EYS: variants seen among roughly 807,000 people sequenced by gnomAD.
The protein encoded by EYS is EGF-like photoreceptor maintenance factor, also known as protein eyes shut homolog.
Under a neutral mutation model 282.1 loss-of-function variants are expected in EYS, and 250 were observed. The observed-to-expected ratio is 0.89, with a 90% CI of 0.80 to 0.98. The LOEUF is 0.98. Ranked by LOEUF, EYS falls within the 50% of genes least tolerant of loss-of-function variation. EYS has a pLI of 0.00. For missense variants in EYS, 4,016 were observed against 3,709.0 expected (o/e 1.08, Z -2.15); for synonymous variants, 1,355 against 1,282.9 (o/e 1.06, Z -1.20).
chr6:65,575,840 G>T (rs918971381), intron 2 of EYS, among the ~76,000 whole-genome samples: 6 of 151,966 alleles, frequency 3.9e-5, no homozygotes, highest in Non-Finnish European at 5.9e-5. Flanking sequence ...GGATAACCTA[G>T]ATAAAATGGA....
At chr6:64,288,175 CT>C (rs1768564761) in intron 30 of EYS, among the ~76,000 whole-genome samples, 1 of 152,112 alleles carries the variant, frequency 6.6e-6, no homozygotes, top group Non-Finnish European at 1.5e-5. Context: ...GACCACTGCT[CT>C]TTTCACTCTG....
At chr6:65,061,306 T>C (rs1773567582) in intron 12 of EYS, among the ~76,000 whole-genome samples, 2 of 151,990 alleles carry the variant, frequency 1.3e-5, no homozygotes, top group African/African-American at 4.8e-5. Flanking sequence ...TAAAATAGCA[T>C]TCATGTATCC....
At chr6:64,394,203 T>A (rs1773272469) in intron 28 of EYS, among the ~76,000 whole-genome samples, 1 of 152,226 alleles carries the variant, frequency 6.6e-6, no homozygotes, top group Non-Finnish European at 1.5e-5. Flanking sequence ...ATGGCCATAC[T>A]GCCCAAGGTA....
intron 11 of EYS, among the ~76,000 whole-genome samples, chr6:65,305,791 T>C (rs1477626893): frequency 6.6e-6 from 1 of 152,146 alleles, no homozygotes; most frequent in Non-Finnish European, 1.5e-5. Context: ...GGACAAAATA[T>C]GGTTAATTTT....
chr6:65,041,091 A>G (rs1170588689), intron 13 of EYS, among the ~76,000 whole-genome samples: 1 of 151,762 alleles, frequency 6.6e-6, no homozygotes, highest in Non-Finnish European at 1.5e-5. Context: ...TCAGAGACTT[A>G]CAAATTTAAG....
At chr6:64,774,679 C>CT (rs1773626580) in intron 22 of EYS, among the ~76,000 whole-genome samples, 1 of 151,880 alleles carries the variant, frequency 6.6e-6, no homozygotes, top group African/African-American at 2.4e-5. Flanking sequence ...GTGCCTGCTG[C>CT]TTAAGTCTCA....
chr6:63,958,780 C>A (rs532859839), intron 35 of EYS, among the ~76,000 whole-genome samples: 6 of 152,278 alleles, frequency 3.9e-5, no homozygotes, highest in African/African-American at 1.4e-4. Context: ...TCTGCCTGTG[C>A]TCTACAAATG....
intron 5 of EYS, among the ~76,000 whole-genome samples, chr6:65,429,766 A>G (rs1767807623): frequency 6.6e-6 from 1 of 152,176 alleles, no homozygotes; most frequent in Non-Finnish European, 1.5e-5. Flanking sequence ...TTCCAAAAAC[A>G]GATACACAAA....
intron 12 of EYS, among the ~76,000 whole-genome samples, chr6:65,094,356 A>G (rs1774673094): frequency 6.6e-6 from 1 of 150,876 alleles, no homozygotes; most frequent in Non-Finnish European, 1.5e-5. Context: ...GGACTAAAAC[A>G]ATACTATAGA....
At chr6:64,102,526 T>G (rs1402839484) in intron 31 of EYS, among the ~76,000 whole-genome samples, 5 of 152,174 alleles carry the variant, frequency 3.3e-5, no homozygotes, top group Admixed American at 2.0e-4. Context: ...TATCAAATAC[T>G]CTAGTCCATT....
intron 29 of EYS, among the ~76,000 whole-genome samples, chr6:64,359,233 A>G (rs1469652110): frequency 6.6e-6 from 1 of 151,780 alleles, no homozygotes; most frequent in Non-Finnish European, 1.5e-5. Flanking sequence ...AAGATTTAAA[A>G]TGTTCCAATT....
chr6:63,935,012 C>T (rs1581996042), intron 35 of EYS, among the ~76,000 whole-genome samples: 1 of 152,290 alleles, frequency 6.6e-6, no homozygotes, highest in South Asian at 2.1e-4. Flanking sequence ...AAAATATGTA[C>T]ATTTCCCCAT....
At chr6:65,170,489 T>C (rs2150227088) in intron 12 of EYS, among the ~76,000 whole-genome samples, 1 of 151,620 alleles carries the variant, frequency 6.6e-6, no homozygotes, top group African/African-American at 2.4e-5. Flanking sequence ...TGAGTCTAAG[T>C]GGTGATCTAA....
intron 22 of EYS, among the ~76,000 whole-genome samples, chr6:64,745,738 T>C (rs1373494955): frequency 6.6e-6 from 1 of 152,206 alleles, no homozygotes; most frequent in Non-Finnish European, 1.5e-5. Flanking sequence ...TTCTTATGGT[T>C]TTTGAAATCT....
At chr6:64,023,827 C>T (rs536568613) in intron 33 of EYS, among the ~76,000 whole-genome samples, 87 of 152,304 alleles carry the variant, frequency 5.7e-4, no homozygotes, top group African/African-American at 1.8e-3. Flanking sequence ...TGCGGGCCAG[C>T]GCGAGTTCCA....
chr6:63,851,330 A>C (rs986625724), intron 36 of EYS, among the ~76,000 whole-genome samples: 1 of 152,186 alleles, frequency 6.6e-6, no homozygotes, highest in Non-Finnish European at 1.5e-5. Flanking sequence ...GACCTAATAG[A>C]CATCTACAGA....
intron 19 of EYS, among the ~76,000 whole-genome samples, chr6:64,858,529 C>T (rs1283686179): frequency 6.6e-6 from 1 of 151,872 alleles, no homozygotes; most frequent in Non-Finnish European, 1.5e-5. Context: ...AATAAGAAAA[C>T]GTAATGGTGT....
chr6:65,532,637 C>T (rs1767815797), intron 2 of EYS, among the ~76,000 whole-genome samples: 1 of 152,100 alleles, frequency 6.6e-6, no homozygotes, highest in Non-Finnish European at 1.5e-5. Context: ...CGATTTCACA[C>T]CAGGACAATC....
At chr6:64,560,063 T>C (rs1445156055) in intron 26 of EYS, among the ~76,000 whole-genome samples, 1 of 152,172 alleles carries the variant, frequency 6.6e-6, no homozygotes, top group Non-Finnish European at 1.5e-5. Flanking sequence ...AAAGTTAGCA[T>C]AAAATTTGTG....
Sources: allele counts gnomAD v4.1 joint callset (sites outside exome capture counted in the v4.1 genomes callset), GRCh38; gene constraint gnomAD v4.1.1; transcripts MANE v1.5; gene names NCBI Gene and HGNC (gene_info 2026-07-23, HGNC 2026-07-21).